The following MTMR12 variants were observed in gnomAD, a reference collection of about 807,000 sequenced individuals.
MTMR12 encodes the protein myotubularin related protein 12.
A neutral mutation model predicts 96.7 loss-of-function variants in MTMR12; 33 were observed. The ratio of observed to expected loss-of-function variants is 0.34; its 90% CI spans 0.26 to 0.46. The LOEUF (loss-of-function observed/expected upper bound fraction) is 0.46. MTMR12 is among the 20% of genes least tolerant of loss of function. The probability of loss-of-function intolerance (pLI) is 1.00; values close to 1 mark genes in which losing one functional copy is unlikely to be tolerated. For missense variants in MTMR12, 721 were observed against 896.1 expected, an observed-to-expected ratio of 0.80 and a Z score of 2.49; for synonymous variants, 298 against 327.2, an observed-to-expected ratio of 0.91 and a Z score of 0.96.
intron 1 of MTMR12, among the ~76,000 whole-genome samples, chr5:32,278,308 G>A (rs1750138403): frequency 6.6e-6 from 1 of 152,132 alleles, no homozygotes; most frequent in East Asian, 1.9e-4. Context: ...ATACAGTGGG[G>A]ATATAATCAG....
At chr5:32,280,383 A>C (rs1750246772) in intron 1 of MTMR12, among the ~76,000 whole-genome samples, 1 of 152,182 alleles carries the variant, frequency 6.6e-6, no homozygotes, top group Admixed American at 6.5e-5. Flanking sequence ...ATTTCTTTCC[A>C]TTGCATTTGA....
At chr5:32,263,091 G>A in intron 7 of MTMR12, 22 bp downstream of exon 7, 1 of 1,613,626 alleles carries the variant, frequency 6.2e-7, no homozygotes, top group South Asian at 1.1e-5. Flanking sequence ...TGTACAGCAT[G>A]TGCCCAGCAT....
rs1051904354 is a variant in MTMR12 at position 32,230,098 on chromosome 5, G to A, written c.1924C>T (p.Arg642Cys). ...EGPEIKVWAQ[R>C]YLRWIPEAQI... ...GCTTCTGGAATCCAACGTAGGTAGC[G>A]CTGGGCCCAGACTTTGATTTCGGGC... Residue 642 changes from arginine to cysteine, a missense_variant, in exon 16 of 16, where the codon CGC becomes TGC. Arg to Cys is a radical substitution (Grantham distance 180). Transcript: ENST00000382142. The A allele has an allele frequency of 9.9e-6, 16 of 1,612,674 alleles. No individual in the cohort carries two copies. Among genetic ancestry groups the A allele is most frequent in the Non-Finnish European group, 1.4e-5 (16 of 1,178,940 alleles).
intron 6 of MTMR12, among the ~76,000 whole-genome samples, chr5:32,265,157 C>T (rs1371191160): frequency 6.6e-6 from 1 of 152,224 alleles, no homozygotes; most frequent in African/African-American, 2.4e-5. Flanking sequence ...ATTCAAATTG[C>T]GAAACACCCA....
chr5:32,307,944 G>A (rs1341895901), intron 1 of MTMR12, among the ~76,000 whole-genome samples: 1 of 152,178 alleles, frequency 6.6e-6, no homozygotes, highest in African/African-American at 2.4e-5. Flanking sequence ...AAGGTATAAA[G>A]GTTGTTCTGG....
chr5:32,254,344 C>T (rs1036334615), intron 8 of MTMR12, among the ~76,000 whole-genome samples: 4 of 152,152 alleles, frequency 2.6e-5, no homozygotes, highest in East Asian at 1.9e-4. Flanking sequence ...TTGCTGGTGA[C>T]AGTACCAATC....
chr5:32,232,870 C>T lies in MTMR12; in HGVS notation c.1674+903G>A, dbSNP rs77804050. The T allele has an allele frequency of 1.9e-3, 1,524 of 795,420 alleles. 19 individuals are homozygous for T. The African/African-American group carries it at 0.026, about 13-fold the overall frequency. 49.3% of individuals were successfully genotyped at this position (795,420 alleles called of 1,614,324 possible). ...CTTTAGAATGGAACCAACTCTGACA[C>T]CAGAAAGGGCCAGGCTTTCTGAAGC... On this transcript the variant is annotated intron_variant, in intron 15 of 15. Transcript: ENST00000382142.
chr5:32,267,378 A>G (rs1430094723), intron 6 of MTMR12, among the ~76,000 whole-genome samples: 3 of 62,064 alleles, frequency 4.8e-5, no homozygotes, highest in South Asian at 5.6e-4. Context: ...TCCATCTCAG[A>G]AAAAAAAAAA....
chr5:32,298,777 T>C (rs1751018379), intron 1 of MTMR12, among the ~76,000 whole-genome samples: 1 of 149,510 alleles, frequency 6.7e-6, no homozygotes, highest in Admixed American at 6.6e-5. Flanking sequence ...TGAAACCCCG[T>C]CTCTACTAAA....
Position 32,229,746 on chromosome 5 carries a change from C to T in MTMR12, c.*32G>A, listed in dbSNP as rs1233998105. ...AGGGATCAGCTGTCCCAATCTCCCA[C>T]ATTCCTCTTTCACAATCACTCAACA... On this transcript the variant is annotated 3_prime_UTR_variant, in exon 16 of 16. Transcript: ENST00000382142. 2.0e-6 allele frequency: 3 copies of T among 1,493,736 alleles called. No homozygotes were observed. In the East Asian group the frequency reaches 7.0e-5, roughly 35 times the overall value. The allele number at this position is 1,493,736 out of a possible 1,614,324, so 92.5% of individuals were successfully genotyped here.
At chr5:32,232,816 G>A in intron 15 of MTMR12, 1 of 337,480 alleles carries the variant, frequency 3.0e-6, no homozygotes, top group Non-Finnish European at 4.2e-6. Flanking sequence ...CGTCTCTGCT[G>A]GCCGTGGCTC....
intron 1 of MTMR12, among the ~76,000 whole-genome samples, 171 bp from the exon 2 acceptor site, chr5:32,276,913 G>A (rs574444260): frequency 1.0e-3 from 104 of 103,520 alleles, no homozygotes; most frequent in African/African-American, 3.7e-3. Context: ...TTGAGATGGA[G>A]TCTCACTCTG....
chr5:32,312,795 G>T lies in MTMR12; in HGVS notation c.44C>A (p.Ala15Asp). 6.5e-7 allele frequency: 1 copy of T among 1,533,174 alleles called. No individual in the cohort carries two copies. Among genetic ancestry groups the T allele is most frequent in the Non-Finnish European group, 8.7e-7 (1 of 1,143,222 alleles). The allele number at this position is 1,533,174 out of a possible 1,614,324, so 95.0% of individuals were successfully genotyped here. The change falls in exon 1 of 16, where the codon GCC becomes GAC. Residue 15 changes from alanine to aspartate, a missense_variant. Transcript: ENST00000382142. The surrounding 1 kb of genome is among the most constrained non-coding windows in gnomAD (Gnocchi z 5.0). Reference sequence around the variant, plus strand: ...GTACGACACGAAGGAGGGCTTGGGGGCCTTGGTGCCGCCGCCACCGCCGAC... The same window carrying T: ...GTACGACACGAAGGAGGGCTTGGGGTCCTTGGTGCCGCCGCCACCGCCGAC... The part of the protein sequence containing the change: ...GVVGGGGGTK[A>D]PKPSFVSYVR...
chr5:32,265,490 G>T (rs778892374), intron 6 of MTMR12, among the ~76,000 whole-genome samples: 4 of 152,162 alleles, frequency 2.6e-5, no homozygotes, highest in Non-Finnish European at 5.9e-5. Context: ...AAATAGATAT[G>T]ATTTTGCAAA....
chr5:32,280,998 A>G (rs1040624926), intron 1 of MTMR12, among the ~76,000 whole-genome samples: 3 of 152,028 alleles, frequency 2.0e-5, no homozygotes, highest in African/African-American at 4.8e-5. Context: ...CAGTAATCAC[A>G]GCACTTTGGG....
chr5:32,236,877 A>C (rs192671085), intron 13 of MTMR12, among the ~76,000 whole-genome samples: 2 of 152,186 alleles, frequency 1.3e-5, no homozygotes, highest in African/African-American at 4.8e-5. Flanking sequence ...GAAAAAAAAC[A>C]ACCATACTCG....
chr5:32,266,483 T>C (rs1481857899), intron 6 of MTMR12, among the ~76,000 whole-genome samples: 1 of 145,774 alleles, frequency 6.9e-6, no homozygotes, highest in Non-Finnish European at 1.5e-5. Flanking sequence ...AGGTCAGGAG[T>C]TCGAAATCAG....
chr5:32,236,584 G>A (rs1010429727), intron 13 of MTMR12, among the ~76,000 whole-genome samples: 3 of 151,958 alleles, frequency 2.0e-5, no homozygotes, highest in African/African-American at 7.3e-5. Flanking sequence ...GCTCACGCTT[G>A]TAATCCCAGC....
intron 3 of MTMR12, among the ~76,000 whole-genome samples, 200 bp downstream of exon 3, chr5:32,273,780 G>GTTT: frequency 6.6e-6 from 1 of 152,142 alleles, no homozygotes; most frequent in African/African-American, 2.4e-5. Context: ...AGTAGCTGGG[G>GTTT]GAAAAAAGAC....
Sources: gnomAD v4.1 joint callset for allele counts (sites outside exome capture counted in the v4.1 genomes callset) on GRCh38, gnomAD v4.1.1 for gene constraint, Gnocchi (gnomAD v3.1) non-coding constraint, MANE v1.5 for transcripts, NCBI Gene and HGNC (gene_info 2026-07-23, HGNC 2026-07-21) for gene names.